Variants in MTMR10 observed in about 807,000 individuals in gnomAD.
MTMR10 encodes the protein myotubularin-related protein 10.
Under a neutral mutation model 88.1 loss-of-function variants are expected in MTMR10, and 56 were observed. That is an observed-to-expected ratio of 0.64 (90% CI 0.51 to 0.79). The LOEUF is 0.79. MTMR10 is among the 30% of genes least tolerant of loss of function. MTMR10 has a pLI of 0.00. For synonymous variants in MTMR10, 380 were observed against 340.9 expected (o/e 1.11, Z -1.26); for missense variants, 883 against 924.7 (o/e 0.95, Z 0.58).
chr15:30,981,848 T>C (rs1459812073), intron 2 of MTMR10, among the ~76,000 whole-genome samples: 1 of 152,112 alleles, frequency 6.6e-6, no homozygotes, highest in Non-Finnish European at 1.5e-5. Flanking sequence ...GGCAGGCAGA[T>C]CACTTGAGGT....
rs1464919973 is a variant in MTMR10, at chr15:30,948,377, C to CAA, written c.1301_1302insTT (p.Ile435Ter). Reference sequence around the variant, plus strand: ...CTGCCATGACCCACTCCTTCTGTATCAGACTCTGAAATCCAGTAATTGTCC... The same window carrying CAA: ...CTGCCATGACCCACTCCTTCTGTATCAAAGACTCTGAAATCCAGTAATTGTCC... On this transcript the variant is annotated frameshift_variant, in exon 13 of 16. Transcript: ENST00000435680. LOFTEE classifies it high-confidence loss of function. The CAA allele has an allele frequency of 6.2e-7, 1 of 1,613,644 alleles. No individual in the cohort carries two copies. The highest frequency in any genetic ancestry group is 8.5e-7 in the Non-Finnish European group (1 of 1,179,788).
At chr15:30,922,353 C>T in the MTMR10 span, 52 of 1,599,434 alleles carry the variant, frequency 3.3e-5, no homozygotes, top group South Asian at 4.0e-4. Context: ...CGCCTGGAAC[C>T]GGTACTCAGT....
chr15:30,947,163 G>A lies in MTMR10; in HGVS notation c.1515C>T (p.Phe505=), dbSNP rs748438646. 20 of 1,613,166 alleles carry A rather than the reference G, an allele frequency of 1.2e-5. No homozygotes were observed. In the Admixed American group the frequency reaches 1.7e-4, roughly 13 times the overall value. ...GCTTCACTCGCTGGTGAGGGGAGTT[G>A]AACAGGAAGGTGCCAAACAGTGAGA... ...TRISLFGTFL[F]NSPHQRVKQS... is the part of the protein sequence containing the mutation. The change falls in exon 14 of 16, where the codon TTC becomes TTT. Residue 505 remains phenylalanine (F), a synonymous_variant. Coordinates refer to ENST00000435680, the MANE Select transcript of MTMR10 (RefSeq NM_017762.3).
In MTMR10 at chr15:30,947,315, G is replaced by A. The variant is rs751544155; in HGVS notation, c.1378-15C>T. On this transcript the variant is annotated splice_polypyrimidine_tract_variant and intron_variant, in intron 13 of 15. Coordinates refer to ENST00000435680, the MANE Select transcript of MTMR10 (RefSeq NM_017762.3). ...AATAAAGGAGACTGGCAAATACAAA[G>A]AGACAATGGGATCATTTAATGTTAT... is the stretch of plus-strand genomic sequence containing the variant. 6.2e-7 allele frequency: 1 copy of A among 1,610,240 alleles called. No homozygotes were observed. Among genetic ancestry groups the A allele is most frequent in the Non-Finnish European group, 8.5e-7 (1 of 1,178,384 alleles).
chr15:30,942,074 T>C lies in MTMR10; in HGVS notation c.1732-2A>G, dbSNP rs1362578886. ...TCTTAGTGTGGAGCTGTAGCTTTTC[T>C]ATACAGAAGAGATTTTATTATGTTC... On this transcript the variant is annotated splice_acceptor_variant, in intron 15 of 15. Coordinates refer to ENST00000435680, the MANE Select transcript of MTMR10 (RefSeq NM_017762.3). LOFTEE classifies it high-confidence loss of function. The C allele has an allele frequency of 2.5e-6, 4 of 1,608,858 alleles. No homozygotes were observed. Among genetic ancestry groups the C allele is most frequent in the Non-Finnish European group, 3.4e-6 (4 of 1,176,794 alleles).
chr15:30,947,656 CT>C (rs2063190235), intron 13 of MTMR10, among the ~76,000 whole-genome samples: 1 of 152,224 alleles, frequency 6.6e-6, no homozygotes, highest in East Asian at 1.9e-4. Flanking sequence ...CCAAACTTCT[CT>C]AATGTTTGGT....
intron 3 of MTMR10, among the ~76,000 whole-genome samples, chr15:30,976,246 A>G (rs972512196): frequency 2.0e-5 from 3 of 152,134 alleles, no homozygotes; most frequent in East Asian, 1.9e-4. Context: ...ACAAAAAAAT[A>G]CAACAGTTAG....
intron 6 of MTMR10, among the ~76,000 whole-genome samples, chr15:30,961,320 GC>G (rs2063399191): frequency 6.6e-6 from 1 of 151,058 alleles, no homozygotes; most frequent in Non-Finnish European, 1.5e-5. Context: ...TGCAACCTCC[GC>G]CCCCCGGGTT....
At chr15:30,953,470 C>A (rs1037662078) in intron 11 of MTMR10, 92 bp downstream of exon 11, 4 of 926,878 alleles carry the variant, frequency 4.3e-6, no homozygotes, top group Middle Eastern at 4.4e-4. Flanking sequence ...AGAGTAAGTA[C>A]ATGGCCCTCT....
At chr15:30,925,927 G>A in the MTMR10 span, 15 of 1,614,054 alleles carry the variant, frequency 9.3e-6, no homozygotes, top group East Asian at 4.5e-5. Flanking sequence ...CAGACGCAGC[G>A]GTTTTGACCA....
At chr15:30,936,079 GTATT>G (rs2062844409), downstream of MTMR10, among the ~76,000 whole-genome samples, 2 of 151,528 alleles carry the variant, frequency 1.3e-5, no homozygotes, top group African/African-American at 4.8e-5. Context: ...GCTAAATGCT[GTATT>G]TAAACAATTT....
At position 30,991,484 on chromosome 15, in the gene MTMR10, T is replaced by C. The variant is rs371816349; in HGVS notation, c.23A>G (p.Lys8Arg). Residue 8 changes from lysine (K) to arginine (R), a missense_variant, in exon 1 of 16, where the codon AAA becomes AGA. By Grantham distance (26) the Lys-to-Arg change is conservative. Coordinates refer to ENST00000435680, the MANE Select transcript of MTMR10 (RefSeq NM_017762.3). MFSLKPP[K>R]PTFRSYLLPP... Reference sequence around the variant, plus strand: ...CAGGAGGTAGGACCTGAAGGTGGGTTTGGGCGGCTTGAGGGAGAACATGGT... The same window carrying C: ...CAGGAGGTAGGACCTGAAGGTGGGTCTGGGCGGCTTGAGGGAGAACATGGT... The C allele has an allele frequency of 3.3e-6, 5 of 1,518,294 alleles. No homozygotes were observed. The African/African-American group carries it at 4.4e-5, about 13-fold the overall frequency. The allele number at this position is 1,518,294 out of a possible 1,614,324, so 94.1% of individuals were successfully genotyped here.
At chr15:30,956,513 T>C (rs187699933) in intron 9 of MTMR10, among the ~76,000 whole-genome samples, 5 of 152,246 alleles carry the variant, frequency 3.3e-5, no homozygotes, top group Non-Finnish European at 7.4e-5. Context: ...CCTAAATGAA[T>C]AGAGAAGCAA....
the MTMR10 span, among the ~76,000 whole-genome samples, chr15:30,930,863 C>G: frequency 6.6e-6 from 1 of 152,092 alleles, no homozygotes; most frequent in African/African-American, 2.4e-5. Context: ...GAGAGGAGCC[C>G]CAGAGTGTGA....
At chr15:30,970,694 C>CT (rs1351798574) in intron 5 of MTMR10, among the ~76,000 whole-genome samples, 1 of 152,222 alleles carries the variant, frequency 6.6e-6, no homozygotes, top group East Asian at 1.9e-4. Context: ...CATGGACATC[C>CT]TTTTTTTGTG....
intron 2 of MTMR10, among the ~76,000 whole-genome samples, chr15:30,988,643 T>C (rs1468391031): frequency 2.0e-5 from 3 of 152,242 alleles, no homozygotes; most frequent in Non-Finnish European, 4.4e-5. Flanking sequence ...TTCAAGTTTA[T>C]GCATACTTAG....
chr15:30,928,591 G>A, the MTMR10 span: 2 of 1,611,552 alleles, frequency 1.2e-6, no homozygotes, highest in South Asian at 2.2e-5. Context: ...CACCCTGTAT[G>A]GCCTCCTCCT....
intron 2 of MTMR10, among the ~76,000 whole-genome samples, chr15:30,987,879 C>T (rs2031048770): frequency 1.4e-5 from 2 of 143,506 alleles, no homozygotes; most frequent in African/African-American, 2.7e-5. Context: ...CCACCCCCAA[C>T]ACCCCCGACA....
At chr15:30,934,630 C>A (rs1038257590), downstream of MTMR10, among the ~76,000 whole-genome samples, 2 of 152,162 alleles carry the variant, frequency 1.3e-5, no homozygotes, top group African/African-American at 4.8e-5. Context: ...GTTCACCTGC[C>A]GTGGTCTCTT....
Sources: gnomAD v4.1 joint callset for allele counts (sites outside exome capture counted in the v4.1 genomes callset) on GRCh38, gnomAD v4.1.1 for gene constraint, MANE v1.5 for transcripts, NCBI Gene and HGNC (gene_info 2026-07-23, HGNC 2026-07-21) for gene names.